Variants in MATR3 observed in about 807,000 individuals in gnomAD.
MATR3 encodes matrin 3.
A neutral mutation model predicts 85.5 loss-of-function variants in MATR3; 4 were observed. That is an observed-to-expected ratio of 0.05 (90% CI 0.02 to 0.11). MATR3 has a LOEUF of 0.11. MATR3 is among the 10% of genes least tolerant of loss of function. The pLI is 1.00. For missense variants in MATR3, 685 were observed against 1,016.1 expected, an observed-to-expected ratio of 0.67 and a Z score of 4.43; for synonymous variants, 336 against 343.1, an observed-to-expected ratio of 0.98 and a Z score of 0.23.
chr5:139,318,995 G>T lies in MATR3; in HGVS notation c.1396G>T (p.Val466Leu). ...ACCAGCGTTAGTATTTGGCAAGCCA[G>T]TGAGAGTTCATTTATCCCAGAAGTA... ...TTPALVFGKP[V>L]RVHLSQKYKR... Residue 466 changes from valine to leucine, a missense_variant, in exon 8 of 15, where the codon GTG (valine) becomes TTG (leucine). Coordinates refer to ENST00000394805, the MANE Select transcript of MATR3 (RefSeq NM_018834.6). The T allele has an allele frequency of 6.2e-7, 1 of 1,613,834 alleles. No individual in the cohort carries two copies.
chr5:139,327,647 C>T (rs1200460723), intron 14 of MATR3, among the ~76,000 whole-genome samples: 1 of 152,012 alleles, frequency 6.6e-6, no homozygotes, highest in Non-Finnish European at 1.5e-5. Context: ...TCTTGAACTC[C>T]CAGCTTCAGA....
Position 139,312,990 on chromosome 5 carries a change from A to G in MATR3, c.913-1685A>G, listed in dbSNP as rs867972806. The stretch of plus-strand genomic sequence containing the variant: ...TAGATAATTTTACTAGAGCATAGGA[A>G]TGTACCTAAACTGTTGTCAGGTAAA... On this transcript the variant is annotated intron_variant, in intron 2 of 14. Coordinates refer to ENST00000394805, the MANE Select transcript of MATR3 (RefSeq NM_018834.6). 6.0e-5 allele frequency: 9 copies of G among 150,938 alleles called. No homozygotes were observed. In the South Asian group the frequency reaches 1.9e-3, roughly 32 times the overall value. The allele number at this position is 150,938 out of a possible 1,614,324, so 9.3% of individuals were successfully genotyped here.
intron 3 of MATR3, 128 bp downstream of exon 3, chr5:139,314,864 C>G: frequency 1.3e-6 from 1 of 783,360 alleles, no homozygotes; most frequent in Non-Finnish European, 2.2e-6. Context: ...ACTGTATGGA[C>G]AATACTATTT....
intron 1 of MATR3, among the ~76,000 whole-genome samples, chr5:139,299,405 G>T (rs191729552): frequency 9.2e-5 from 14 of 152,318 alleles, no homozygotes; most frequent in Admixed American, 7.2e-4. Context: ...AGGGCACAGT[G>T]GTTCATGTCT....
Position 139,307,988 on chromosome 5 carries a change from T to A in MATR3, c.573T>A (p.Asp191Glu). The change falls in exon 2 of 15, where the codon GAT becomes GAA. Residue 191 changes from aspartate (D) to glutamate (E), a missense_variant. Around this residue, in one of 9 missense-constraint regions of MATR3, gnomAD observed 223 missense variants for 334.4 expected, o/e 0.67. Coordinates refer to ENST00000394805, the MANE Select transcript of MATR3 (RefSeq NM_018834.6). The surrounding 1 kb of genome is among the most constrained non-coding windows in gnomAD (Gnocchi z 4.4). Reference protein sequence around the residue: ...KRHFRRDSFDDRGPSLNPVLD... With the variant: ...KRHFRRDSFDERGPSLNPVLD... ...ACTTTAGAAGAGATAGTTTTGATGA[T>A]CGTGGTCCTAGTCTCAACCCAGTGC... 1 of 1,614,162 alleles carries A rather than the reference T, an allele frequency of 6.2e-7. No homozygotes were observed.
chr5:139,307,670 T>C lies in MATR3; in HGVS notation c.255T>C (p.Ser85=), dbSNP rs56024855. The part of the protein sequence containing the change: ...SASTSSHNLQ[S]IFNIGSRGPL... ...GTACTTCTTCCCATAATTTGCAGTC[T>C]ATATTTAACATTGGAAGTAGAGGTC... Residue 85 remains serine (S), a synonymous_variant, in exon 2 of 15, where the codon TCT becomes TCC. Transcript: ENST00000394805. This position sits in a 1 kb window ranked among gnomAD's most constrained non-coding sequence, Gnocchi z 4.4. 1 of 1,614,182 alleles carries C rather than the reference T, an allele frequency of 6.2e-7. No individual in the cohort carries two copies. The highest frequency in any genetic ancestry group is 8.5e-7 in the Non-Finnish European group (1 of 1,180,016).
At chr5:139,283,229 T>C (rs1753594156) in intron 3 of MATR3, 1 of 152,224 alleles carries the variant, frequency 6.6e-6, no homozygotes. Flanking sequence ...AGAGGGAAGA[T>C]GCCCCTCAAG....
chr5:139,299,618 T>C (rs755569165), intron 1 of MATR3, among the ~76,000 whole-genome samples: 2 of 152,184 alleles, frequency 1.3e-5, no homozygotes, highest in African/African-American at 2.4e-5. Flanking sequence ...TGAGCCAAGA[T>C]TGTGCCACTG....
intron 1 of MATR3, among the ~76,000 whole-genome samples, chr5:139,302,171 C>T (rs1271229281): frequency 2.0e-5 from 3 of 152,000 alleles, no homozygotes; most frequent in South Asian, 2.1e-4. Flanking sequence ...CCATGTTGGC[C>T]GGGCTGGTCT....
chr5:139,306,342 T>G (rs1359812306), intron 1 of MATR3, among the ~76,000 whole-genome samples: 1 of 152,188 alleles, frequency 6.6e-6, no homozygotes, highest in Non-Finnish European at 1.5e-5. Context: ...TACAGGAAAC[T>G]GTGTAACCAA....
At chr5:139,322,240 T>C (rs534146707) in intron 10 of MATR3, among the ~76,000 whole-genome samples, 1 of 152,242 alleles carries the variant, frequency 6.6e-6, no homozygotes, top group Non-Finnish European at 1.5e-5. Flanking sequence ...ATTGCTCTTA[T>C]CTGTTTAAGT....
At chr5:139,286,302 G>A (rs1753700801) in intron 3 of MATR3, among the ~76,000 whole-genome samples, 1 of 151,940 alleles carries the variant, frequency 6.6e-6, no homozygotes. Context: ...CTCTGCATTT[G>A]TCTCTAGCTG....
At chr5:139,323,070 CAG>C in intron 12 of MATR3, 103 bp downstream of exon 12, 2 of 1,166,650 alleles carry the variant, frequency 1.7e-6, no homozygotes, top group South Asian at 1.5e-5. Context: ...TGATTTAAAT[CAG>C]AAAATAAATC....
At chr5:139,314,252 T>C (rs2151979199) in intron 2 of MATR3, 1 of 228,684 alleles carries the variant, frequency 4.4e-6, no homozygotes, top group East Asian at 1.0e-4. Flanking sequence ...TTCACATTTA[T>C]AGTATATAGT....
intron 1 of MATR3, among the ~76,000 whole-genome samples, chr5:139,305,608 T>G (rs1280795814): frequency 3.3e-5 from 5 of 152,172 alleles, no homozygotes; most frequent in Non-Finnish European, 7.4e-5. Flanking sequence ...TGTCTGGCAT[T>G]TATAAGACAT....
intron 1 of MATR3, among the ~76,000 whole-genome samples, chr5:139,299,025 C>G (rs1314930274): frequency 1.3e-5 from 2 of 152,146 alleles, no homozygotes; most frequent in Non-Finnish European, 2.9e-5. Flanking sequence ...AAAAATAACA[C>G]TTTTTAAGGG....
At chr5:139,293,576 G>A (rs939565702), upstream of MATR3, 6 of 173,206 alleles carry the variant, frequency 3.5e-5, no homozygotes, top group Non-Finnish European at 7.3e-5. Flanking sequence ...ACGACCGCAG[G>A]CGAGTGCACG....
chr5:139,325,288 C>CTTAA lies in MATR3; in HGVS notation c.2149-151_2149-148dup, dbSNP rs746556642. On this transcript the variant is annotated intron_variant, in intron 12 of 14. Coordinates refer to ENST00000394805, the MANE Select transcript of MATR3 (RefSeq NM_018834.6). ...ATTGTTGCAGAGTAAATTTGTCTTTCTTAACAGCGTCGTTTTCCAGGGAGT... is the reference window on the plus strand; with the variant it reads ...ATTGTTGCAGAGTAAATTTGTCTTTCTTAATTAACAGCGTCGTTTTCCAGGGAGT... 4.9e-5 allele frequency: 76 copies of CTTAA among 1,552,452 alleles called. No individual in the cohort carries two copies. In the South Asian group the frequency reaches 8.8e-4, roughly 18 times the overall value.
At chr5:139,281,510 A>AT (rs1321366648) in intron 3 of MATR3, among the ~76,000 whole-genome samples, 32 of 150,492 alleles carry the variant, frequency 2.1e-4, no homozygotes, top group Non-Finnish European at 4.0e-4. Flanking sequence ...ACCTGGCTAA[A>AT]TTTTTTTTTG....
Sources: allele counts gnomAD v4.1 joint callset (sites outside exome capture counted in the v4.1 genomes callset), GRCh38; gene constraint gnomAD v4.1.1; regional missense constraint gnomAD v4.1.1; non-coding constraint Gnocchi (gnomAD v3.1); transcripts MANE v1.5; gene names NCBI Gene and HGNC (gene_info 2026-07-23, HGNC 2026-07-21).